Variants in TNRC18 observed in about 807,000 individuals in gnomAD.
TNRC18 encodes the protein trinucleotide repeat-containing gene 18 protein.
In TNRC18, 69 loss-of-function variants were observed where a neutral mutation model predicts 226.7. The observed-to-expected ratio is 0.30, with a 90% CI of 0.25 to 0.37. The LOEUF (loss-of-function observed/expected upper bound fraction) is 0.37, where lower values mean the gene tolerates loss of function less well. Among genes scored for constraint, TNRC18 ranks in the 10% least tolerant of loss-of-function variants. The pLI, the probability that TNRC18 is intolerant of heterozygous loss-of-function variation, is 1.00. For synonymous variants in TNRC18, 2,449 were observed against 1,927.6 expected (o/e 1.27, Z -7.09); for missense variants, 4,754 against 4,256.6 (o/e 1.12, Z -3.25).
Position 5,388,513 on chromosome 7 carries a change from C to T in TNRC18, c.1311G>A (p.Lys437=). The T allele has an allele frequency of 2.3e-6, 3 of 1,327,002 alleles. No individual in the cohort carries two copies. Among genetic ancestry groups the T allele is most frequent in the African/African-American group, 1.6e-5 (1 of 63,292 alleles). The allele number at this position is 1,327,002 out of a possible 1,614,324, so 82.2% of individuals were successfully genotyped here. Residue 437 remains lysine, a synonymous_variant, in exon 5 of 30, where the codon AAG becomes AAA. Coordinates refer to ENST00000430969, the MANE Select transcript of TNRC18 (RefSeq NM_001080495.3). ...TGGGGGCATCCGCGGGGGGCGGCCG[C>T]TTGAGCGAGCGGATGACCGAGTTCT... ...REKNSVIRSL[K]RPPPADAPTV... is the part of the protein sequence containing the mutation.
At chr7:5,354,854 T>C (rs928862039) in intron 16 of TNRC18, among the ~76,000 whole-genome samples, 10 of 152,166 alleles carry the variant, frequency 6.6e-5, no homozygotes, top group Non-Finnish European at 1.5e-4. Flanking sequence ...CAGGTGACGA[T>C]ATCTTAACTC....
chr7:5,314,558 CTCT>C lies in TNRC18; in HGVS notation c.7027+423_7027+425del, dbSNP rs1468424097. ...GGCCCTGCAGTGCAGGTGCAGAGTT[CTCT>C]TCTTTTTTTTTTTTTTTTTTTTTTT... On this transcript the variant is annotated intron_variant, in intron 26 of 29. Transcript: ENST00000430969. Among the ~76,000 whole-genome samples, 6 of 129,206 alleles carry C rather than the reference CTCT, an allele frequency of 4.6e-5. No homozygotes were observed. In the East Asian group the frequency reaches 7.3e-4, roughly 16 times the overall value. 84.8% of individuals were successfully genotyped at this position (129,206 alleles called of 152,430 possible). A position where few individuals can be genotyped will look rare whatever the true frequency, so the allele number is the denominator to read the frequency against.
At chr7:5,358,305 G>A (rs1792669593) in intron 15 of TNRC18, among the ~76,000 whole-genome samples, 2 of 152,156 alleles carry the variant, frequency 1.3e-5, no homozygotes, top group African/African-American at 4.8e-5. Context: ...CAGTTTCAAA[G>A]CCATTAATGC....
intron 18 of TNRC18, among the ~76,000 whole-genome samples, chr7:5,339,055 T>C (rs1294615540): frequency 6.6e-6 from 1 of 151,886 alleles, no homozygotes; most frequent in Non-Finnish European, 1.5e-5. Flanking sequence ...CCCAGCACTT[T>C]GGGAGGCCAA....
intron 2 of TNRC18, among the ~76,000 whole-genome samples, chr7:5,396,995 C>G (rs1242197585): frequency 6.6e-6 from 1 of 152,218 alleles, no homozygotes; most frequent in East Asian, 1.9e-4. Flanking sequence ...AAGGGCAGGG[C>G]CTCCACCTTG....
intron 10 of TNRC18, 125 bp from the exon 11 acceptor site, chr7:5,371,489 G>A: frequency 7.9e-7 from 1 of 1,265,488 alleles, no homozygotes. Context: ...CCCAGCTACA[G>A]GGTGGGAGCT....
chr7:5,401,043 T>G (rs1057345093), intron 2 of TNRC18, among the ~76,000 whole-genome samples: 1 of 152,028 alleles, frequency 6.6e-6, no homozygotes, highest in East Asian at 1.9e-4. Flanking sequence ...AAAAAAAATT[T>G]ATTAAAAATT....
At chr7:5,378,953 G>A (rs1474544786) in intron 5 of TNRC18, among the ~76,000 whole-genome samples, 1 of 151,582 alleles carries the variant, frequency 6.6e-6, no homozygotes, top group East Asian at 1.9e-4. Context: ...GGGAGGCCGG[G>A]TGGGGGGGGC....
At chr7:5,391,836 A>T (rs1482717090) in intron 3 of TNRC18, among the ~76,000 whole-genome samples, 8 of 43,228 alleles carry the variant, frequency 1.9e-4, no homozygotes, top group African/African-American at 1.0e-3. Context: ...ATCTCTATTT[A>T]AAAAAAAAAA....
chr7:5,379,915 C>G (rs563038635), intron 5 of TNRC18, among the ~76,000 whole-genome samples: 10 of 152,196 alleles, frequency 6.6e-5, no homozygotes, highest in Non-Finnish European at 1.2e-4. Context: ...TGGGCAGACC[C>G]CGGCCATCAG....
In TNRC18 at chr7:5,357,277, C is replaced by G; in HGVS notation, c.4834-1G>C. 3 of 1,608,224 alleles carry G rather than the reference C, an allele frequency of 1.9e-6. No individual in the cohort carries two copies. Among genetic ancestry groups the G allele is most frequent in the Non-Finnish European group, 2.5e-6 (3 of 1,177,068 alleles). On this transcript the variant is annotated splice_acceptor_variant, in intron 15 of 29. Coordinates refer to ENST00000430969, the MANE Select transcript of TNRC18 (RefSeq NM_001080495.3). LOFTEE classifies it high-confidence loss of function. ...CCATCTTCTTCTTCTTAATCTTTAG[C>G]TGGAGAGGGAAGGTGGGTCATGGGT... is the stretch of plus-strand genomic sequence containing the variant.
chr7:5,409,772 C>T (rs773856762), intron 2 of TNRC18, among the ~76,000 whole-genome samples: 24 of 142,332 alleles, frequency 1.7e-4, no homozygotes, highest in Non-Finnish European at 3.3e-4. Flanking sequence ...GTCAGGAGAT[C>T]GAGACCATCG....
intron 24 of TNRC18, 185 bp downstream of exon 24, chr7:5,320,133 T>G: frequency 1.7e-6 from 1 of 585,336 alleles, no homozygotes; most frequent in Non-Finnish European, 3.1e-6. Flanking sequence ...TACTCAGAGC[T>G]GGAGTCCTGA....
At chr7:5,407,807 C>G (rs1359263212) in intron 2 of TNRC18, among the ~76,000 whole-genome samples, 1 of 152,154 alleles carries the variant, frequency 6.6e-6, no homozygotes, top group South Asian at 2.1e-4. Flanking sequence ...CTGGTTTCCC[C>G]CCTACCGAGA....
intron 2 of TNRC18, among the ~76,000 whole-genome samples, chr7:5,418,563 G>A (rs1782335495): frequency 6.6e-6 from 1 of 152,162 alleles, no homozygotes; most frequent in Non-Finnish European, 1.5e-5. Context: ...GCTCATCCAC[G>A]TCCGCAGAGC....
intron 19 of TNRC18, chr7:5,325,485 G>A (rs1170492579): frequency 1.3e-5 from 6 of 453,810 alleles, no homozygotes; most frequent in Admixed American, 4.3e-5. Context: ...GCGCAGTGGC[G>A]CGATCTTGGC....
At position 5,388,278 on chromosome 7, in the gene TNRC18, C is replaced by G. The variant is rs1314624783; in HGVS notation, c.1546G>C (p.Gly516Arg). 1.4e-5 allele frequency: 22 copies of G among 1,609,306 alleles called. No homozygotes were observed. The highest frequency in any genetic ancestry group is 1.9e-5 in the Non-Finnish European group (22 of 1,178,486). Residue 516 changes from glycine to arginine, a missense_variant, in exon 5 of 30, where the codon GGC becomes CGC. Physicochemically the swap from Gly to Arg is moderately radical, Grantham distance 125. Coordinates refer to ENST00000430969, the MANE Select transcript of TNRC18 (RefSeq NM_001080495.3). The part of the protein sequence containing the change: ...PEHKWKPFEL[G>R]NFAATQMAVL... Reference sequence around the variant, plus strand: ...GCCATCTGCGTGGCGGCGAAGTTGCCCAGCTCGAAGGGTTTCCATTTATGC... The same window carrying G: ...GCCATCTGCGTGGCGGCGAAGTTGCGCAGCTCGAAGGGTTTCCATTTATGC...
Position 5,313,720 on chromosome 7 carries a change from G to A in TNRC18, c.7171C>T (p.Pro2391Ser), listed in dbSNP as rs750196971. ...DKRAKAPKAR[P>S]APPQPSPAPP... The stretch of plus-strand genomic sequence containing the variant: ...GCGGGACTGGGCTGCGGCGGTGCCG[G>A]GCGCGCCTTGGGGGCCTTGGCTCGC... The change falls in exon 27 of 30, where the codon CCG becomes TCG. Residue 2391 changes from proline to serine, a missense_variant. Physicochemically the swap from Pro to Ser is moderately conservative, Grantham distance 74. Transcript: ENST00000430969. 1.3e-6 allele frequency: 2 copies of A among 1,582,822 alleles called. No homozygotes were observed. The highest frequency in any genetic ancestry group is 1.2e-5 in the South Asian group (1 of 86,198).
intron 2 of TNRC18, among the ~76,000 whole-genome samples, chr7:5,406,745 G>A (rs1163851095): frequency 6.6e-6 from 1 of 151,638 alleles, no homozygotes; most frequent in Admixed American, 6.6e-5. Flanking sequence ...AAGCTACTCA[G>A]GAGACTGAGG....
Sources: allele counts gnomAD v4.1 joint callset (sites outside exome capture counted in the v4.1 genomes callset), GRCh38; gene constraint gnomAD v4.1.1; transcripts MANE v1.5; gene names NCBI Gene and HGNC (gene_info 2026-07-23, HGNC 2026-07-21).